The following ATP5F1B variants were observed in gnomAD, a reference collection of about 807,000 sequenced individuals.
ATP5F1B encodes the protein ATP synthase F1 subunit beta.
ATP5F1B carries 17 observed loss-of-function variants against 45.9 expected under a neutral mutation model. The observed-to-expected ratio is 0.37, with a 90% CI of 0.25 to 0.56. The LOEUF (loss-of-function observed/expected upper bound fraction) is 0.56. Among genes scored for constraint, ATP5F1B ranks in the 20% least tolerant of loss-of-function variants. ATP5F1B has a pLI of 0.80. For synonymous variants in ATP5F1B, 218 were observed against 256.5 expected (o/e 0.85, Z 1.43); for missense variants, 387 against 673.2 (o/e 0.57, Z 4.70).
Position 56,645,960 on chromosome 12 carries a change from A to C in ATP5F1B, c.4T>G (p.Leu2Val). The change falls in exon 1 of 10, where the codon TTG becomes GTG. Residue 2 changes from leucine (L) to valine (V), a missense_variant. Coordinates refer to ENST00000262030, the MANE Select transcript of ATP5F1B (RefSeq NM_001686.4). M[L>V]GFVGRVAAAP... ...GCGGCCACCCGACCCACAAACCCCA[A>C]CATGGCGTAGTCCGGGTGGAGACTG... 3.1e-6 allele frequency: 5 copies of C among 1,602,316 alleles called. No individual in the cohort carries two copies. The highest frequency in any genetic ancestry group is 4.3e-6 in the Non-Finnish European group (5 of 1,175,272).
intron 8 of ATP5F1B, among the ~76,000 whole-genome samples, chr12:56,639,769 CAA>C (rs1224447849): frequency 1.7e-4 from 17 of 100,698 alleles, no homozygotes; most frequent in Admixed American, 2.2e-4. Context: ...AGACTCATCT[CAA>C]AAAAAAAAAA....
chr12:56,638,354 G>C lies in ATP5F1B; in HGVS notation c.1559C>G (p.Ala520Gly), dbSNP rs764483389. The change falls in exon 10 of 10, where the codon GCT becomes GGT. Residue 520 changes from alanine (A) to glycine (G), a missense_variant. Around this residue, in one of 6 missense-constraint regions of ATP5F1B, gnomAD observed 36 missense variants for 37.9 expected, o/e 0.95. Transcript: ENST00000262030. ...VGPIEEAVAKADKLAEEHSS is the reference protein window; with the variant it reads ...VGPIEEAVAKGDKLAEEHSS The stretch of plus-strand genomic sequence containing the variant: ...TGAATGCTCTTCAGCCAGCTTATCA[G>C]CTTTTGCCACAGCTTCTTCAATGGG... 6.2e-7 allele frequency: 1 copy of C among 1,613,962 alleles called. No individual in the cohort carries two copies. The highest frequency in any genetic ancestry group is 2.2e-5 in the East Asian group (1 of 44,884).
At chr12:56,642,903 C>A (rs139524118) in intron 5 of ATP5F1B, 72 bp from the exon 6 acceptor site, 12 of 1,527,812 alleles carry the variant, frequency 7.9e-6, no homozygotes, top group African/African-American at 1.4e-5. Flanking sequence ...GTTCCCAAAT[C>A]GGAGAAACGA....
rs765948611 is a variant in ATP5F1B at position 56,642,486 on chromosome 12, G to A, written c.1046C>T (p.Thr349Ile). The change falls in exon 7 of 10, where the codon ACC (threonine) becomes ATC (isoleucine). Residue 349 changes from threonine (T) to isoleucine (I), a missense_variant. Thr to Ile is a moderately conservative substitution (Grantham distance 89, BLOSUM62 -1). Transcript: ENST00000262030. Reference sequence around the variant, plus strand: ...TACAGAGGTGATAGATCCCTTCTTGGTAGTGGTAATTCTTTCCTGCATAGT... The same window carrying A: ...TACAGAGGTGATAGATCCCTTCTTGATAGTGGTAATTCTTTCCTGCATAGT... ...MGTMQERITT[T>I]KKGSITSVQA... is the part of the protein sequence containing the mutation. The A allele has an allele frequency of 6.8e-6, 11 of 1,613,868 alleles. No homozygotes were observed.
chr12:56,642,944 T>A (rs1951523437), intron 5 of ATP5F1B, 113 bp from the exon 6 acceptor site: 1 of 1,210,744 alleles, frequency 8.3e-7, no homozygotes, highest in African/African-American at 1.5e-5. Flanking sequence ...GGTGTCAGCG[T>A]TTTTGTGTGC....
At chr12:56,639,619 A>G (rs1294131157) in intron 8 of ATP5F1B, among the ~76,000 whole-genome samples, 1 of 151,928 alleles carries the variant, frequency 6.6e-6, no homozygotes, top group Non-Finnish European at 1.5e-5. Flanking sequence ...AAAAATACAA[A>G]AAGTAGCCAG....
intron 8 of ATP5F1B, 77 bp from the exon 9 acceptor site, chr12:56,639,384 G>A: frequency 7.3e-7 from 1 of 1,377,836 alleles, no homozygotes; most frequent in Admixed American, 1.9e-5. Context: ...AAAGTTACAT[G>A]CTAGGGGGCA....
At chr12:56,644,509 G>A (rs1951536343) in intron 3 of ATP5F1B, among the ~76,000 whole-genome samples, 1 of 152,056 alleles carries the variant, frequency 6.6e-6, no homozygotes, top group Admixed American at 6.6e-5. Context: ...TACTCAGGAG[G>A]CTGAGACAGG....
At chr12:56,640,554 C>A (rs904407845) in intron 7 of ATP5F1B, among the ~76,000 whole-genome samples, 2 of 151,884 alleles carry the variant, frequency 1.3e-5, no homozygotes, top group Non-Finnish European at 2.9e-5. Flanking sequence ...CTTAAGCCAT[C>A]CCCCTTTCTG....
At chr12:56,639,384 G>C (rs1951495757) in intron 8 of ATP5F1B, 77 bp from the exon 9 acceptor site, 3 of 1,377,718 alleles carry the variant, frequency 2.2e-6, no homozygotes, top group African/African-American at 2.9e-5. Flanking sequence ...AAAGTTACAT[G>C]CTAGGGGGCA....
intron 7 of ATP5F1B, among the ~76,000 whole-genome samples, chr12:56,641,067 A>T (rs1321480258): frequency 6.6e-6 from 1 of 151,568 alleles, no homozygotes; most frequent in African/African-American, 2.4e-5. Context: ...TAAAAAAAAT[A>T]AAAAAATAAA....
Position 56,642,977 on chromosome 12 carries a change from A to G in ATP5F1B, c.793-146T>C. The G allele has an allele frequency of 3.7e-6, 3 of 819,140 alleles. No individual in the cohort carries two copies. The South Asian group carries it at 6.0e-5, about 16-fold the overall frequency. The allele number at this position is 819,140 out of a possible 1,614,324, so 50.7% of individuals were successfully genotyped here. ...TGCAAGTTTCTTTTCCCTATTAGAG[A>G]TGCAGTTCAAAAAAAAAAGACAGCT... On this transcript the variant is annotated intron_variant, in intron 5 of 9. Coordinates refer to ENST00000262030, the MANE Select transcript of ATP5F1B (RefSeq NM_001686.4).
chr12:56,638,299 G>C lies in ATP5F1B; in HGVS notation c.*24C>G, dbSNP rs769706266. On this transcript the variant is annotated 3_prime_UTR_variant, in exon 10 of 10. Coordinates refer to ENST00000262030, the MANE Select transcript of ATP5F1B (RefSeq NM_001686.4). ...TTTTTGGGTTAGGGGCAAGGAGAGA[G>C]ACAGTACAGAGGACAAAGACCCCTC... is the stretch of plus-strand genomic sequence containing the variant. 4 of 1,597,132 alleles carry C rather than the reference G, an allele frequency of 2.5e-6. No individual in the cohort carries two copies. The highest frequency in any genetic ancestry group is 3.4e-6 in the Non-Finnish European group (4 of 1,165,342).
chr12:56,638,228 T>TA lies in ATP5F1B; in HGVS notation c.*94dup. 1 of 990,484 alleles carries TA rather than the reference T, an allele frequency of 1.0e-6. No homozygotes were observed. Among genetic ancestry groups the TA allele is most frequent in the Non-Finnish European group, 1.5e-6 (1 of 659,538 alleles). 61.4% of individuals were successfully genotyped at this position (990,484 alleles called of 1,614,324 possible). ...CCTTAAATACTGTTCAGAAAGAATA[T>TA]ATCTTCAATCAAGGCTCTTGTGCAG... On this transcript the variant is annotated 3_prime_UTR_variant, in exon 10 of 10. Coordinates refer to ENST00000262030, the MANE Select transcript of ATP5F1B (RefSeq NM_001686.4).
chr12:56,642,281 C>G (rs1239276856), intron 7 of ATP5F1B, among the ~76,000 whole-genome samples, 177 bp downstream of exon 7: 1 of 150,626 alleles, frequency 6.6e-6, no homozygotes, highest in Non-Finnish European at 1.5e-5. Context: ...CAGGCATGAA[C>G]CACCACGCCT....
chr12:56,641,030 C>G (rs1332138205), intron 7 of ATP5F1B, among the ~76,000 whole-genome samples: 1 of 150,760 alleles, frequency 6.6e-6, no homozygotes, highest in African/African-American at 2.4e-5. Flanking sequence ...GCCTAGGCAA[C>G]AGACTCCGTC....
chr12:56,645,694 T>C (rs1239107843), intron 1 of ATP5F1B, 143 bp downstream of exon 1: 2 of 1,422,434 alleles, frequency 1.4e-6, no homozygotes, highest in Non-Finnish European at 1.9e-6. Flanking sequence ...CCCATTCTTG[T>C]TCTCCAGCCA....
At position 56,640,963 on chromosome 12, in the gene ATP5F1B, C is replaced by T. The variant is rs184414327; in HGVS notation, c.1075-771G>A. 2.4e-4 allele frequency among the ~76,000 whole-genome samples: 37 copies of T among 151,276 alleles called. No individual in the cohort carries two copies. In the East Asian group the frequency reaches 3.7e-3, roughly 15 times the overall value. The stretch of plus-strand genomic sequence containing the variant: ...ATGCAGGAGGCTGAAGCAGGTGAAT[C>T]GCTTGAACCCAGGAGGTGGAGGTTA... On this transcript the variant is annotated intron_variant, in intron 7 of 9. Transcript: ENST00000262030.
intron 9 of ATP5F1B, among the ~76,000 whole-genome samples, chr12:56,638,870 T>G (rs1396390808): frequency 6.6e-6 from 1 of 152,178 alleles, no homozygotes; most frequent in Non-Finnish European, 1.5e-5. Flanking sequence ...TACTCCAGCC[T>G]GGGCGACAGA....
Sources: allele counts gnomAD v4.1 joint callset (sites outside exome capture counted in the v4.1 genomes callset), GRCh38; gene constraint gnomAD v4.1.1; regional missense constraint gnomAD v4.1.1; transcripts MANE v1.5; gene names NCBI Gene and HGNC (gene_info 2026-07-23, HGNC 2026-07-21).